The following ATP9B variants were observed in gnomAD, a reference collection of about 807,000 sequenced individuals.
ATP9B encodes ATPase phospholipid transporting 9B.
In ATP9B, 110 loss-of-function variants were observed where a neutral mutation model predicts 146.1. That is an observed-to-expected ratio of 0.75 (90% CI 0.65 to 0.88). The LOEUF is 0.88. Among genes scored for constraint, ATP9B ranks in the 40% least tolerant of loss-of-function variants. The pLI, the probability that ATP9B is intolerant of heterozygous loss-of-function variation, is 0.00. For missense variants in ATP9B, 1,499 were observed against 1,496.4 expected, an observed-to-expected ratio of 1.00 and a Z score of -0.03; for synonymous variants, 604 against 569.7, an observed-to-expected ratio of 1.06 and a Z score of -0.86.
At chr18:79,240,816 A>C (rs2095880885) in intron 11 of ATP9B, among the ~76,000 whole-genome samples, 1 of 152,244 alleles carries the variant, frequency 6.6e-6, no homozygotes, top group South Asian at 2.1e-4. Context: ...TGTCACTTCT[A>C]AAGCATACTA....
chr18:79,069,543 C>G lies in ATP9B; in HGVS notation c.119+14C>G. 1 of 1,318,464 alleles carries G rather than the reference C, an allele frequency of 7.6e-7. No individual in the cohort carries two copies. The allele number at this position is 1,318,464 out of a possible 1,614,324, so 81.7% of individuals were successfully genotyped here. On this transcript the variant is annotated intron_variant, in intron 1 of 29. Transcript: ENST00000426216. ...CCGGCACAGCAGGTAACCGAGGCGG[C>G]ACTGGCCCCGTTCCCCGCCGACGCT... is the stretch of plus-strand genomic sequence containing the variant.
At chr18:79,258,360 G>T (rs1288721725) in intron 12 of ATP9B, among the ~76,000 whole-genome samples, 2 of 152,126 alleles carry the variant, frequency 1.3e-5, no homozygotes, top group African/African-American at 4.8e-5. Context: ...AGCCCAGGAG[G>T]TTGAGGCTGC....
rs193096675 is a variant in ATP9B at position 79,100,590 on chromosome 18, A to G, written c.293+3941A>G. Among the ~76,000 whole-genome samples the G allele has an allele frequency of 1.2e-3, 187 of 152,258 alleles. 3 individuals are homozygous for G. The highest frequency in any genetic ancestry group is 4.3e-3 in the African/African-American group (179 of 41,560). ...TATATTGTCATTCTTTTACTTTTTA[A>G]AAAAATTTTTAAAAATTTTGAATTT... On this transcript the variant is annotated intron_variant, in intron 2 of 29. Coordinates refer to ENST00000426216, the MANE Select transcript of ATP9B (RefSeq NM_198531.5).
At chr18:79,232,917 T>G (rs2095805347) in intron 11 of ATP9B, among the ~76,000 whole-genome samples, 1 of 151,870 alleles carries the variant, frequency 6.6e-6, no homozygotes. Context: ...AGTGAAAAGT[T>G]CCCAAACTAA....
intron 4 of ATP9B, among the ~76,000 whole-genome samples, chr18:79,124,787 G>A (rs2094253667): frequency 6.6e-6 from 1 of 152,188 alleles, no homozygotes; most frequent in Non-Finnish European, 1.5e-5. Context: ...GTGCCACACC[G>A]AGTACAGTCA....
At chr18:79,196,502 G>C (rs1273008993) in intron 9 of ATP9B, among the ~76,000 whole-genome samples, 2 of 152,202 alleles carry the variant, frequency 1.3e-5, no homozygotes, top group Non-Finnish European at 1.5e-5. Flanking sequence ...TGGTTGCTAC[G>C]TGGGTGTTAA....
intron 11 of ATP9B, among the ~76,000 whole-genome samples, chr18:79,214,954 C>A (rs1305843688): frequency 6.6e-6 from 1 of 151,968 alleles, no homozygotes; most frequent in Non-Finnish European, 1.5e-5. Context: ...TTGAGACCAG[C>A]CTGGCCAACA....
At chr18:79,112,983 A>G (rs978791544) in intron 3 of ATP9B, among the ~76,000 whole-genome samples, 1 of 152,210 alleles carries the variant, frequency 6.6e-6, no homozygotes, top group Non-Finnish European at 1.5e-5. Flanking sequence ...CTTTTAGATG[A>G]CATTTTTAAC....
rs59015386 is a variant in ATP9B at position 79,188,400 on chromosome 18, G to A, written c.874-4783G>A. ...GGTTACCAGTTTTAGCTCGGCCCTC[G>A]GTGCTCCCTGTAATCCTTGTTAGAA... On this transcript the variant is annotated intron_variant, in intron 8 of 29. Coordinates refer to ENST00000426216, the MANE Select transcript of ATP9B (RefSeq NM_198531.5). Among the ~76,000 whole-genome samples, 328 of 152,266 alleles carry A rather than the reference G, an allele frequency of 2.2e-3. 3 individuals carry two copies. Among genetic ancestry groups the A allele is most frequent in the African/African-American group, 7.5e-3 (313 of 41,566 alleles).
chr18:79,312,267 C>T lies in ATP9B; in HGVS notation c.1773+5033C>T, dbSNP rs1810181. 2.8e-4 allele frequency among the ~76,000 whole-genome samples: 43 copies of T among 152,100 alleles called. 1 individual carries two copies. The East Asian group carries it at 7.5e-3, about 27-fold the overall frequency. On this transcript the variant is annotated intron_variant, in intron 15 of 29. Transcript: ENST00000426216. ...GGTGCCTTCTATGGACTGGCATAAA[C>T]GGATCATTTACTTTTTCCTAAATGC...
chr18:79,097,701 T>C (rs2074919200), intron 2 of ATP9B, among the ~76,000 whole-genome samples: 1 of 147,732 alleles, frequency 6.8e-6, no homozygotes, highest in African/African-American at 2.6e-5. Flanking sequence ...ACAAAGGACA[T>C]GAACTCATCA....
At position 79,110,842 on chromosome 18, in the gene ATP9B, TTGTC is replaced by T. The variant is rs1187735115; in HGVS notation, c.444+340_444+343del. Reference sequence around the variant, plus strand: ...ACAGAAAACAAGTTATACGTTTTGTTTGTCTGGGAACTAGTTTGGAGAAAACAGT... The same window carrying T: ...ACAGAAAACAAGTTATACGTTTTGTTTGGGAACTAGTTTGGAGAAAACAGT... On this transcript the variant is annotated intron_variant, in intron 3 of 29. Coordinates refer to ENST00000426216, the MANE Select transcript of ATP9B (RefSeq NM_198531.5). Among the ~76,000 whole-genome samples the T allele has an allele frequency of 9.2e-5, 14 of 152,352 alleles. No homozygotes were observed. In the East Asian group the frequency reaches 2.1e-3, roughly 23 times the overall value.
Position 79,342,181 on chromosome 18 carries a change from C to T in ATP9B, c.2284-87C>T, listed in dbSNP as rs572786037. On this transcript the variant is annotated intron_variant, in intron 19 of 29. Transcript: ENST00000426216. ...TTGACGGGCACCTGGGTTGCTTCCACCTTTTGGCTGTTGTGAATTATGTGA... is the reference window on the plus strand; with the variant it reads ...TTGACGGGCACCTGGGTTGCTTCCATCTTTTGGCTGTTGTGAATTATGTGA... 1.9e-5 allele frequency: 20 copies of T among 1,049,866 alleles called. No homozygotes were observed. The East Asian group carries it at 3.9e-4, about 21-fold the overall frequency. 65.0% of individuals were successfully genotyped at this position (1,049,866 alleles called of 1,614,324 possible). A position where few individuals can be genotyped will look rare whatever the true frequency, so the allele number is the denominator to read the frequency against.
At chr18:79,236,820 G>A (rs1470652728) in intron 11 of ATP9B, among the ~76,000 whole-genome samples, 2 of 122,704 alleles carry the variant, frequency 1.6e-5, no homozygotes, top group African/African-American at 3.2e-5. Flanking sequence ...CCGTGCACGA[G>A]TCAGTGTCCA....
chr18:79,275,742 G>A (rs1018921225), intron 12 of ATP9B, among the ~76,000 whole-genome samples: 3 of 152,122 alleles, frequency 2.0e-5, no homozygotes, highest in Admixed American at 2.0e-4. Context: ...CATCTTGCAG[G>A]GGAGCTTTGA....
intron 11 of ATP9B, among the ~76,000 whole-genome samples, chr18:79,216,507 AT>A (rs920019602): frequency 7.9e-5 from 12 of 152,302 alleles, no homozygotes; most frequent in Non-Finnish European, 1.0e-4. Context: ...GTTAGCTGTA[AT>A]TTTTATTTTT....
intron 8 of ATP9B, among the ~76,000 whole-genome samples, chr18:79,183,088 A>G (rs1355898033): frequency 1.3e-5 from 2 of 152,194 alleles, no homozygotes; most frequent in East Asian, 1.9e-4. Flanking sequence ...TGGTTGGATA[A>G]TGCTGTATAT....
intron 9 of ATP9B, among the ~76,000 whole-genome samples, chr18:79,196,304 A>G (rs908328392): frequency 6.6e-6 from 1 of 152,230 alleles, no homozygotes; most frequent in Non-Finnish European, 1.5e-5. Context: ...ACAGAGGATT[A>G]GCTCTGCCTG....
At chr18:79,103,271 T>TG (rs1015364255) in intron 2 of ATP9B, among the ~76,000 whole-genome samples, 1 of 146,082 alleles carries the variant, frequency 6.8e-6, no homozygotes, top group African/African-American at 2.7e-5. Flanking sequence ...TTTGTAGTTT[T>TG]TTTTTTTTTT....
Sources: gnomAD v4.1 joint callset for allele counts (sites outside exome capture counted in the v4.1 genomes callset) on GRCh38, gnomAD v4.1.1 for gene constraint, MANE v1.5 for transcripts, NCBI Gene and HGNC (gene_info 2026-07-23, HGNC 2026-07-21) for gene names.